FAM13A: variants seen among roughly 807,000 people sequenced by gnomAD.
The protein encoded by FAM13A is family with sequence similarity 13 member A.
A neutral mutation model predicts 129.6 loss-of-function variants in FAM13A; 76 were observed. The observed-to-expected ratio is 0.59, with a 90% CI of 0.49 to 0.71. The LOEUF (loss-of-function observed/expected upper bound fraction) is 0.71. Ranked by LOEUF, FAM13A falls within the 30% of genes least tolerant of loss-of-function variation. The pLI is 0.00. For missense variants in FAM13A, 1,108 were observed against 1,249.3 expected, an observed-to-expected ratio of 0.89 and a Z score of 1.70; for synonymous variants, 443 against 449.9, an observed-to-expected ratio of 0.98 and a Z score of 0.20.
intron 12 of FAM13A, 54 bp from the exon 13 acceptor site, chr4:88,767,649 CG>C (rs1341490345): frequency 7.4e-7 from 1 of 1,360,224 alleles, no homozygotes; most frequent in African/African-American, 1.5e-5. Flanking sequence ...TGTTTTATAA[CG>C]TTTTTCATCC....
intron 7 of FAM13A, among the ~76,000 whole-genome samples, chr4:88,838,595 C>T (rs992076293): frequency 6.6e-6 from 1 of 152,010 alleles, no homozygotes; most frequent in South Asian, 2.1e-4. Flanking sequence ...GGCGTGGTGG[C>T]GGGCGCCTGT....
At chr4:88,787,370 A>G (rs1724178966) in intron 10 of FAM13A, among the ~76,000 whole-genome samples, 2 of 152,160 alleles carry the variant, frequency 1.3e-5, no homozygotes, top group Non-Finnish European at 2.9e-5. Flanking sequence ...TGCTCCATAA[A>G]CAAGTCTAAA....
At chr4:88,793,397 A>G (rs1452900) in intron 8 of FAM13A, among the ~76,000 whole-genome samples, 2,741 of 152,032 alleles carry the variant, frequency 0.018, 68 homozygotes, top group African/African-American at 0.061. Context: ...TCATATTCAT[A>G]TTTTTGCTAG....
rs1385349220 is a variant in FAM13A at position 88,844,005 on chromosome 4, A to G, written c.1007+7015T>C. Among the ~76,000 whole-genome samples the G allele has an allele frequency of 3.9e-5, 6 of 152,224 alleles. No individual in the cohort carries two copies. In the East Asian group the frequency reaches 7.7e-4, roughly 20 times the overall value. ...TAAAAAATTATACTATTTTAGAGTC[A>G]GACTTCAATCTCTAACCTAGGTCTA... On this transcript the variant is annotated intron_variant, in intron 7 of 23. Transcript: ENST00000264344.
chr4:88,886,023 T>C (rs1579117623), intron 6 of FAM13A, among the ~76,000 whole-genome samples: 2 of 149,392 alleles, frequency 1.3e-5, no homozygotes, highest in Non-Finnish European at 3.0e-5. Context: ...AAAATAGACG[T>C]TGGCATGGAT....
At chr4:88,906,929 C>T (rs2609264) in intron 5 of FAM13A, among the ~76,000 whole-genome samples, 112,829 of 152,120 alleles carry the variant, frequency 0.74, 42,144 homozygotes, top group Non-Finnish European at 0.79. Context: ...CACTATTAAA[C>T]GGTGATAGTT....
chr4:88,885,845 T>C (rs768468616), intron 6 of FAM13A, among the ~76,000 whole-genome samples: 1 of 148,374 alleles, frequency 6.7e-6, no homozygotes, highest in Non-Finnish European at 1.5e-5. Context: ...CATCAAAAAG[T>C]GGGCTAAAGG....
intron 18 of FAM13A, among the ~76,000 whole-genome samples, chr4:88,747,318 C>T (rs989430171): frequency 3.9e-5 from 6 of 152,120 alleles, no homozygotes; most frequent in East Asian, 3.9e-4. Context: ...GCAATGACGA[C>T]GGTTATACGT....
chr4:88,748,455 G>A (rs1741847445), intron 17 of FAM13A, among the ~76,000 whole-genome samples: 1 of 152,168 alleles, frequency 6.6e-6, no homozygotes, highest in South Asian at 2.1e-4. Flanking sequence ...AAGGTATTTA[G>A]TGATCTAATG....
chr4:88,748,190 C>T (rs982626307), intron 17 of FAM13A, among the ~76,000 whole-genome samples: 9 of 152,166 alleles, frequency 5.9e-5, no homozygotes, highest in African/African-American at 2.2e-4. Context: ...CTGCGCCCGG[C>T]CTGATATATG....
intron 1 of FAM13A, among the ~76,000 whole-genome samples, chr4:89,052,706 T>C (rs914108725): frequency 6.6e-6 from 1 of 152,114 alleles, no homozygotes; most frequent in African/African-American, 2.4e-5. Context: ...GCCACACTTT[T>C]AGTGTTCCCC....
chr4:88,832,700 G>A (rs1325886901), intron 7 of FAM13A, among the ~76,000 whole-genome samples: 1 of 152,154 alleles, frequency 6.6e-6, no homozygotes, highest in Non-Finnish European at 1.5e-5. Context: ...ATGCCAGTCA[G>A]AATAGTGATT....
rs997109708 is a variant in FAM13A, at chr4:88,731,197, C to T, written c.2945+130G>A. On this transcript the variant is annotated intron_variant, in intron 23 of 23. Coordinates refer to ENST00000264344, the MANE Select transcript of FAM13A (RefSeq NM_014883.4). ...GTGTCCCTGGGCACAAACCCAAGGACCAGGTTACAGGGAGGATGCAGAAGA... is the reference window on the plus strand; with the variant it reads ...GTGTCCCTGGGCACAAACCCAAGGATCAGGTTACAGGGAGGATGCAGAAGA... The T allele has an allele frequency of 8.4e-6, 5 of 592,262 alleles. No homozygotes were observed. The African/African-American group carries it at 9.4e-5, about 11-fold the overall frequency. The allele number at this position is 592,262 out of a possible 1,614,324, so 36.7% of individuals were successfully genotyped here. A position where few individuals can be genotyped will look rare whatever the true frequency, so the allele number is the denominator to read the frequency against.
At chr4:88,878,473 T>C (rs1305968972) in intron 6 of FAM13A, among the ~76,000 whole-genome samples, 5 of 152,134 alleles carry the variant, frequency 3.3e-5, no homozygotes, top group Non-Finnish European at 7.4e-5. Flanking sequence ...AGCCTGTTTA[T>C]TTTCTGCTTA....
intron 7 of FAM13A, among the ~76,000 whole-genome samples, chr4:88,838,748 A>T (rs979234994): frequency 6.6e-6 from 1 of 152,112 alleles, no homozygotes; most frequent in Non-Finnish European, 1.5e-5. Flanking sequence ...AGAAAAAGAA[A>T]AAGAAAATAC....
chr4:88,726,044 T>A lies in FAM13A; in HGVS notation c.*2489A>T, dbSNP rs534736882. The A allele has an allele frequency of 6.6e-6, 1 of 152,354 alleles. No individual in the cohort carries two copies. Among genetic ancestry groups the A allele is most frequent in the African/African-American group, 2.4e-5 (1 of 41,584 alleles). The allele number at this position is 152,354 out of a possible 1,614,324, so 9.4% of individuals were successfully genotyped here. A position where few individuals can be genotyped will look rare whatever the true frequency, so the allele number is the denominator to read the frequency against. On this transcript the variant is annotated 3_prime_UTR_variant, in exon 24 of 24. Transcript: ENST00000264344. Reference sequence around the variant, plus strand: ...ATTTATTTTGTTGGCATGTGCTAATTAATAAACACATATTCCCAACACAGC... The same window carrying A: ...ATTTATTTTGTTGGCATGTGCTAATAAATAAACACATATTCCCAACACAGC...
At chr4:88,739,620 A>AC (rs1449014089) in intron 19 of FAM13A, among the ~76,000 whole-genome samples, 2 of 115,648 alleles carry the variant, frequency 1.7e-5, no homozygotes, top group Non-Finnish European at 3.4e-5. Context: ...ACTAAAAAAT[A>AC]CAAAAAAAAA....
At chr4:88,956,343 C>T (rs1757752656) in intron 4 of FAM13A, among the ~76,000 whole-genome samples, 1 of 152,160 alleles carries the variant, frequency 6.6e-6, no homozygotes, top group Admixed American at 6.5e-5. Context: ...TAACATGCTG[C>T]ACATGTTTGC....
chr4:88,784,665 A>C (rs528757320), intron 10 of FAM13A, among the ~76,000 whole-genome samples: 79 of 152,342 alleles, frequency 5.2e-4, no homozygotes, highest in Admixed American at 1.6e-3. Context: ...ATAACAAAGA[A>C]ACATTTGGAT....
Sources: allele counts gnomAD v4.1 joint callset (sites outside exome capture counted in the v4.1 genomes callset), GRCh38; gene constraint gnomAD v4.1.1; transcripts MANE v1.5; gene names NCBI Gene and HGNC (gene_info 2026-07-23, HGNC 2026-07-21).